TLK2: variants seen among roughly 807,000 people sequenced by gnomAD.
The protein encoded by TLK2 is serine/threonine-protein kinase tousled-like 2.
Under a neutral mutation model 117.3 loss-of-function variants are expected in TLK2, and 6 were observed. That is an observed-to-expected ratio of 0.05 (90% CI 0.03 to 0.10). The LOEUF is 0.10. Ranked by LOEUF, TLK2 falls within the 10% of genes least tolerant of loss-of-function variation. The pLI is 1.00. For missense variants in TLK2, 299 were observed against 901.2 expected (o/e 0.33, Z 8.56); for synonymous variants, 257 against 316.7 (o/e 0.81, Z 2.00).
At chr17:62,580,533 A>C (rs1426156021) in intron 15 of TLK2, among the ~76,000 whole-genome samples, 2 of 152,182 alleles carry the variant, frequency 1.3e-5, no homozygotes, top group African/African-American at 4.8e-5. Context: ...TCTTTCTTTT[A>C]CAGAATAGAT....
In TLK2 at chr17:62,589,762, C is replaced by G. The variant is rs187396162; in HGVS notation, c.1460+3536C>G. ...TATAGCATGCTAGAGTGAAAAATAA[C>G]TTAGAACAGTGATCTGTTTAGTCCC... On this transcript the variant is annotated intron_variant, in intron 16 of 21. Coordinates refer to ENST00000346027, the MANE Select transcript of TLK2 (RefSeq NM_006852.6). 9.2e-5 allele frequency among the ~76,000 whole-genome samples: 14 copies of G among 152,198 alleles called. 1 individual carries two copies. The highest frequency in any genetic ancestry group is 8.5e-4 in the Admixed American group (13 of 15,280).
chr17:62,519,076 G>T (rs934068663), intron 2 of TLK2, among the ~76,000 whole-genome samples: 4 of 152,078 alleles, frequency 2.6e-5, no homozygotes, highest in South Asian at 4.2e-4. Context: ...GTAGAGATGG[G>T]GTTTCACCAT....
intron 17 of TLK2, chr17:62,600,390 C>T (rs2082789713): frequency 2.8e-6 from 1 of 363,196 alleles, no homozygotes; most frequent in Non-Finnish European, 5.0e-6. Context: ...ATAGTCTAGA[C>T]TCAAGAAGAG....
At chr17:62,475,664 T>G (rs1279479825), upstream of TLK2, among the ~76,000 whole-genome samples, 1 of 151,130 alleles carries the variant, frequency 6.6e-6, no homozygotes, top group South Asian at 2.1e-4. Context: ...TTTTAAATAA[T>G]AATTATTTTT....
intron 6 of TLK2, among the ~76,000 whole-genome samples, chr17:62,533,821 C>T (rs2076927735): frequency 6.6e-6 from 1 of 152,150 alleles, no homozygotes; most frequent in South Asian, 2.1e-4. Context: ...TCCTTTACCA[C>T]TAGAAAATTC....
At chr17:62,490,389 G>A (rs2072984851) in intron 2 of TLK2, among the ~76,000 whole-genome samples, 1 of 152,144 alleles carries the variant, frequency 6.6e-6, no homozygotes, top group South Asian at 2.1e-4. Flanking sequence ...TAAGAGCTGA[G>A]TCACTCTTAT....
At chr17:62,506,920 T>C (rs929336809) in intron 2 of TLK2, among the ~76,000 whole-genome samples, 8 of 152,190 alleles carry the variant, frequency 5.3e-5, no homozygotes, top group Admixed American at 2.6e-4. Flanking sequence ...TAATGAGTAA[T>C]TTTCAGTTAT....
At chr17:62,593,794 T>A (rs1417337183) in intron 16 of TLK2, among the ~76,000 whole-genome samples, 2 of 148,634 alleles carry the variant, frequency 1.3e-5, no homozygotes, top group African/African-American at 4.9e-5. Flanking sequence ...ACTCTAAATT[T>A]TTTTTTTTTT....
At chr17:62,491,439 A>G (rs2073100755) in intron 2 of TLK2, among the ~76,000 whole-genome samples, 1 of 152,080 alleles carries the variant, frequency 6.6e-6, no homozygotes, top group Admixed American at 6.6e-5. Flanking sequence ...ACTTAGTTCT[A>G]TTCTTCCTCT....
intron 7 of TLK2, 84 bp from the exon 8 acceptor site, chr17:62,552,218 T>C: frequency 9.4e-7 from 1 of 1,058,478 alleles, no homozygotes; most frequent in Admixed American, 2.3e-5. Context: ...GAGATACAAA[T>C]TATGGAGTTG....
chr17:62,489,212 T>C (rs2144640029), intron 2 of TLK2, among the ~76,000 whole-genome samples: 1 of 151,294 alleles, frequency 6.6e-6, no homozygotes, highest in Non-Finnish European at 1.5e-5. Flanking sequence ...AATTTTTTTT[T>C]TTTTTTGAGA....
chr17:62,551,325 A>G (rs1204041059), intron 7 of TLK2, among the ~76,000 whole-genome samples: 1 of 152,236 alleles, frequency 6.6e-6, no homozygotes, highest in African/African-American at 2.4e-5. Flanking sequence ...TATTTTTACC[A>G]TTCCATGATT....
chr17:62,577,869 AACCCCG>A (rs1024669461), intron 13 of TLK2, among the ~76,000 whole-genome samples: 6 of 151,938 alleles, frequency 3.9e-5, no homozygotes, highest in African/African-American at 1.5e-4. Context: ...AGCATGGTGA[AACCCCG>A]ACTCTACTAA....
At chr17:62,533,708 C>T (rs1466466071) in intron 6 of TLK2, among the ~76,000 whole-genome samples, 6 of 152,024 alleles carry the variant, frequency 3.9e-5, no homozygotes, top group African/African-American at 9.7e-5. Flanking sequence ...AACTCCTGAC[C>T]TCAAGTGATT....
chr17:62,570,463 T>C (rs1243524069), intron 11 of TLK2, among the ~76,000 whole-genome samples: 1 of 152,196 alleles, frequency 6.6e-6, no homozygotes, highest in Non-Finnish European at 1.5e-5. Flanking sequence ...CTGGGGGATA[T>C]ACGGATTGCT....
chr17:62,538,603 A>G (rs933853629), intron 7 of TLK2, among the ~76,000 whole-genome samples: 6 of 152,316 alleles, frequency 3.9e-5, no homozygotes, highest in African/African-American at 1.2e-4. Flanking sequence ...ATGCACGTGA[A>G]GGACCACCTA....
chr17:62,528,856 C>G (rs1323348457), intron 6 of TLK2, among the ~76,000 whole-genome samples: 3 of 152,188 alleles, frequency 2.0e-5, no homozygotes, highest in Admixed American at 2.0e-4. Context: ...AAAGTTAACT[C>G]TATGTAATTG....
chr17:62,552,433 C>A (rs891072556), intron 8 of TLK2, 36 bp downstream of exon 8: 1 of 1,613,862 alleles, frequency 6.2e-7, no homozygotes, highest in African/African-American at 1.3e-5. Context: ...GAGGGGCATA[C>A]CTGCTGTGTA....
chr17:62,516,846 G>A (rs1397216387), intron 2 of TLK2: 1 of 899,184 alleles, frequency 1.1e-6, no homozygotes, highest in Admixed American at 2.2e-5. Flanking sequence ...TGTGTTTTGA[G>A]TTAATTTTTG....
Sources: gnomAD v4.1 joint callset for allele counts (sites outside exome capture counted in the v4.1 genomes callset) on GRCh38, gnomAD v4.1.1 for gene constraint, MANE v1.5 for transcripts, NCBI Gene and HGNC (gene_info 2026-07-23, HGNC 2026-07-21) for gene names.